FSTL5: variants seen among roughly 807,000 people sequenced by gnomAD.
FSTL5 encodes follistatin-related protein 5.
In FSTL5, 62 loss-of-function variants were observed where a neutral mutation model predicts 89.1. That is an observed-to-expected ratio of 0.70 (90% confidence interval 0.57 to 0.86). The LOEUF (loss-of-function observed/expected upper bound fraction) is 0.86, where lower values mean the gene tolerates loss of function less well. Ranked by LOEUF, FSTL5 falls within the 40% of genes least tolerant of loss-of-function variation. FSTL5 has a pLI of 0.00. For missense variants in FSTL5, 1,057 were observed against 1,001.6 expected, an observed-to-expected ratio of 1.06 and a Z score of -0.75; for synonymous variants, 383 against 346.2, an observed-to-expected ratio of 1.11 and a Z score of -1.18.
chr4:161,706,432 T>C (rs62330794), intron 6 of FSTL5, among the ~76,000 whole-genome samples: 81,524 of 151,848 alleles, frequency 0.54, 25,514 homozygotes, highest in East Asian at 0.7. Flanking sequence ...ATAGAGTTTA[T>C]ATATAAAAAC....
rs893782798 is a variant in FSTL5, at chr4:162,032,279, G to C, written c.160+1346C>G. Among the ~76,000 whole-genome samples, 3 of 152,088 alleles carry C rather than the reference G, an allele frequency of 2.0e-5. No individual in the cohort carries two copies. The East Asian group carries it at 5.8e-4, about 29-fold the overall frequency. ...TGGAACCCTTCATGAGAAGGAAGATGCATACTCAGTAAGTTTAAATGCATA... is the reference window on the plus strand; with the variant it reads ...TGGAACCCTTCATGAGAAGGAAGATCCATACTCAGTAAGTTTAAATGCATA... On this transcript the variant is annotated intron_variant, in intron 3 of 15. Transcript: ENST00000306100.
At chr4:161,641,680 C>T (rs1735968716) in intron 7 of FSTL5, among the ~76,000 whole-genome samples, 2 of 151,722 alleles carry the variant, frequency 1.3e-5, no homozygotes, top group Admixed American at 6.6e-5. Flanking sequence ...TTAGTAGAGA[C>T]GTGGTTTCAC....
intron 15 of FSTL5, among the ~76,000 whole-genome samples, chr4:161,445,337 G>A (rs374487681): frequency 1.8e-4 from 28 of 151,570 alleles, no homozygotes; most frequent in South Asian, 4.2e-4. Context: ...ACTAAAATTC[G>A]TATTCTTGAC....
rs143784695 is a variant in FSTL5, at chr4:161,935,671, C to T, written c.161-15019G>A. On this transcript the variant is annotated intron_variant, in intron 3 of 15. Coordinates refer to ENST00000306100, the MANE Select transcript of FSTL5 (RefSeq NM_020116.5). ...ATATCAAATTTTTCCTCCTCCTTTG[C>T]ACATGTCTCCATTGCTTCTGAGAGT... 1.0e-3 allele frequency among the ~76,000 whole-genome samples: 152 copies of T among 152,198 alleles called. 2 individuals are homozygous for T. Among genetic ancestry groups the T allele is most frequent in the African/African-American group, 3.1e-3 (129 of 41,550 alleles).
At chr4:161,760,975 T>C (rs2126790649) in intron 5 of FSTL5, among the ~76,000 whole-genome samples, 1 of 152,322 alleles carries the variant, frequency 6.6e-6, no homozygotes, top group Admixed American at 6.5e-5. Flanking sequence ...GCACCCTCTC[T>C]AGTCAGCTAA....
intron 1 of FSTL5, among the ~76,000 whole-genome samples, chr4:162,139,206 G>C (rs1258020191): frequency 2.0e-5 from 3 of 152,100 alleles, no homozygotes; most frequent in African/African-American, 7.2e-5. Context: ...TTGTACCCAG[G>C]TGATAATTTT....
chr4:161,525,961 C>A (rs552829650), intron 10 of FSTL5, among the ~76,000 whole-genome samples: 1 of 152,042 alleles, frequency 6.6e-6, no homozygotes, highest in Admixed American at 6.6e-5. Context: ...TTCATTTTTC[C>A]TTGTCTTTGA....
intron 6 of FSTL5, among the ~76,000 whole-genome samples, chr4:161,704,759 A>G (rs1191548782): frequency 1.3e-5 from 2 of 152,074 alleles, no homozygotes; most frequent in African/African-American, 4.8e-5. Flanking sequence ...CAGAAATGCT[A>G]CCTACTTCCT....
At chr4:161,817,458 A>G (rs889044938) in intron 4 of FSTL5, among the ~76,000 whole-genome samples, 1 of 152,262 alleles carries the variant, frequency 6.6e-6, no homozygotes, top group Non-Finnish European at 1.5e-5. Context: ...GAGAGGCTGC[A>G]CGAAAGTTAA....
intron 15 of FSTL5, among the ~76,000 whole-genome samples, chr4:161,413,272 A>T (rs1328390777): frequency 9.4e-6 from 1 of 106,468 alleles, no homozygotes; most frequent in African/African-American, 3.2e-5. Context: ...AAAAAAAAAA[A>T]AAAAAAAAAA....
chr4:161,809,069 A>T (rs1410628675), intron 4 of FSTL5, among the ~76,000 whole-genome samples: 3 of 152,134 alleles, frequency 2.0e-5, no homozygotes, highest in Non-Finnish European at 4.4e-5. Context: ...ATACAAAAAA[A>T]TTAGCCAGGC....
intron 2 of FSTL5, among the ~76,000 whole-genome samples, chr4:162,056,141 G>GA (rs939574974): frequency 4.6e-5 from 7 of 151,856 alleles, no homozygotes; most frequent in African/African-American, 1.7e-4. Context: ...GCATACATTG[G>GA]AAAAAAACAT....
chr4:161,419,212 G>C (rs1421919567), intron 15 of FSTL5, among the ~76,000 whole-genome samples: 1 of 152,118 alleles, frequency 6.6e-6, no homozygotes, highest in East Asian at 1.9e-4. Flanking sequence ...TCTGGCACTA[G>C]TCATATTTTT....
intron 4 of FSTL5, among the ~76,000 whole-genome samples, chr4:161,907,888 T>C (rs1047377778): frequency 3.9e-5 from 6 of 152,126 alleles, no homozygotes; most frequent in African/African-American, 1.4e-4. Context: ...TGCTGCTATA[T>C]ATGGTTCTCA....
At chr4:161,974,845 C>T (rs1471994868) in intron 3 of FSTL5, among the ~76,000 whole-genome samples, 6 of 151,430 alleles carry the variant, frequency 4.0e-5, no homozygotes, top group Admixed American at 2.6e-4. Flanking sequence ...ATTTTCGCAA[C>T]CTACTCATCT....
intron 6 of FSTL5, among the ~76,000 whole-genome samples, chr4:161,743,381 C>G (rs767439250): frequency 6.6e-6 from 1 of 152,022 alleles, no homozygotes; most frequent in Non-Finnish European, 1.5e-5. Flanking sequence ...TCTCTTTTAT[C>G]TTCTATTCCA....
At chr4:162,126,744 T>C (rs535565811) in intron 1 of FSTL5, among the ~76,000 whole-genome samples, 1 of 152,246 alleles carries the variant, frequency 6.6e-6, no homozygotes, top group East Asian at 1.9e-4. Context: ...TTGGGCATTA[T>C]GCATTTTTAA....
chr4:161,883,762 C>T (rs1385802380), intron 4 of FSTL5, among the ~76,000 whole-genome samples: 1 of 152,152 alleles, frequency 6.6e-6, no homozygotes, highest in Non-Finnish European at 1.5e-5. Context: ...ACCAGAGCTT[C>T]ACACGTCTGA....
At chr4:161,564,727 T>A (rs1433159747) in intron 8 of FSTL5, among the ~76,000 whole-genome samples, 1 of 151,710 alleles carries the variant, frequency 6.6e-6, no homozygotes. Flanking sequence ...ATTATTATTA[T>A]TATTTAATGC....
Sources: gnomAD v4.1 joint callset for allele counts (sites outside exome capture counted in the v4.1 genomes callset) on GRCh38, gnomAD v4.1.1 for gene constraint, MANE v1.5 for transcripts, NCBI Gene and HGNC (gene_info 2026-07-23, HGNC 2026-07-21) for gene names.